Variants in MTFP1 observed in about 807,000 individuals in gnomAD.
The protein encoded by MTFP1 is mitochondrial fission process 1, also known as mitochondrial fission process protein 1.
In MTFP1, 19 loss-of-function variants were observed where a neutral mutation model predicts 17.1. The ratio of observed to expected loss-of-function variants is 1.11; its 90% CI spans 0.77 to 1.63. The LOEUF is 1.63. Ranked by LOEUF, MTFP1 falls within the 40% of genes most tolerant of loss-of-function variation. MTFP1 has a pLI of 0.00. For missense variants in MTFP1, 221 were observed against 226.2 expected (o/e 0.98, Z 0.15); for synonymous variants, 89 against 95.2 (o/e 0.93, Z 0.38).
chr22:30,425,822 C>T lies in MTFP1; in HGVS notation c.-58C>T, dbSNP rs1215386028. On this transcript the variant is annotated 5_prime_UTR_variant, in exon 1 of 4. Transcript: ENST00000266263. Reference sequence around the variant, plus strand: ...GCCGGGCAGACCCAAGTGCCGGCGGCGGAGACTGCAGTGGAGCCAGTACCG... The same window carrying T: ...GCCGGGCAGACCCAAGTGCCGGCGGTGGAGACTGCAGTGGAGCCAGTACCG... 11 of 1,475,426 alleles carry T rather than the reference C, an allele frequency of 7.5e-6. No individual in the cohort carries two copies. The highest frequency in any genetic ancestry group is 2.3e-4 in the Middle Eastern group (1 of 4,270). The allele number at this position is 1,475,426 out of a possible 1,614,324, so 91.4% of individuals were successfully genotyped here. A position where few individuals can be genotyped will look rare whatever the true frequency, so the allele number is the denominator to read the frequency against.
chr22:30,426,643 A>C, intron 1 of MTFP1, 74 bp from the exon 2 acceptor site: 1 of 1,578,876 alleles, frequency 6.3e-7, no homozygotes. Context: ...GCTGGCTAGG[A>C]TGAGAACCAG....
chr22:30,427,435 A>G lies in MTFP1; in HGVS notation c.428+32A>G, dbSNP rs1601796601. The G allele has an allele frequency of 1.9e-6, 3 of 1,585,574 alleles. No individual in the cohort carries two copies. In the South Asian group the frequency reaches 3.3e-5, roughly 18 times the overall value. The stretch of plus-strand genomic sequence containing the variant: ...ACCTTCTTGGCCTCAGGGATCATCC[A>G]CTCTCCAGTGATGAGAGTGGATCAT... On this transcript the variant is annotated intron_variant, in intron 3 of 3. Coordinates refer to ENST00000266263, the MANE Select transcript of MTFP1 (RefSeq NM_016498.5).
intron 1 of MTFP1, among the ~76,000 whole-genome samples, chr22:30,426,496 T>C (rs1044267771): frequency 6.6e-6 from 1 of 151,994 alleles, no homozygotes; most frequent in Non-Finnish European, 1.5e-5. Flanking sequence ...CAATAAGCAA[T>C]GGTAACAGTG....
intron 3 of MTFP1, among the ~76,000 whole-genome samples, chr22:30,428,125 A>C (rs1934703480): frequency 6.6e-6 from 1 of 152,138 alleles, no homozygotes; most frequent in African/African-American, 2.4e-5. Flanking sequence ...TTGGTCTTAG[A>C]ACTAGATATG....
intron 2 of MTFP1, 58 bp downstream of exon 2, chr22:30,426,902 T>C: frequency 1.3e-6 from 2 of 1,596,376 alleles, no homozygotes; most frequent in Non-Finnish European, 1.7e-6. Context: ...TGTGGTTCAG[T>C]CCACAGCCTT....
Position 30,425,818 on chromosome 22 carries a change from G to T in MTFP1, c.-62G>T. ...CCCGGCCGGGCAGACCCAAGTGCCG[G>T]CGGCGGAGACTGCAGTGGAGCCAGT... is the stretch of plus-strand genomic sequence containing the variant. On this transcript the variant is annotated 5_prime_UTR_variant, in exon 1 of 4. Transcript: ENST00000266263. The T allele has an allele frequency of 6.8e-7, 1 of 1,472,602 alleles. No homozygotes were observed. The allele number at this position is 1,472,602 out of a possible 1,614,324, so 91.2% of individuals were successfully genotyped here.
chr22:30,427,130 G>A (rs765418453), intron 2 of MTFP1, 41 bp from the exon 3 acceptor site: 4 of 1,604,682 alleles, frequency 2.5e-6, no homozygotes, highest in Non-Finnish European at 3.4e-6. Context: ...AGGATTTTCT[G>A]CCTCTGCCCC....
At position 30,428,643 on chromosome 22, in the gene MTFP1, C is replaced by G. The variant is rs762856810; in HGVS notation, c.*109C>G. The G allele has an allele frequency of 6.2e-7, 1 of 1,614,052 alleles. No individual in the cohort carries two copies. ...TCCCTGGTGTCCAAAGACCCTGGCA[C>G]CTGGGTGGGTTTGAGCTGGACAGAA... On this transcript the variant is annotated 3_prime_UTR_variant, in exon 4 of 4. Coordinates refer to ENST00000266263, the MANE Select transcript of MTFP1 (RefSeq NM_016498.5).
In MTFP1 at chr22:30,426,750, C is replaced by T. The variant is rs149417550; in HGVS notation, c.101C>T (p.Ser34Phe). The change falls in exon 2 of 4, where the codon TCT (serine) becomes TTT (phenylalanine). Residue 34 changes from serine (S) to phenylalanine (F), a missense_variant. By Grantham distance (155) the Ser-to-Phe change is radical. Coordinates refer to ENST00000266263, the MANE Select transcript of MTFP1 (RefSeq NM_016498.5). The stretch of plus-strand genomic sequence containing the variant: ...AATGAGGTGGGCGAGGCTTTCCGCT[C>T]TCTTGTGCCAGCGGCGGTGGTGTGG... ...YANEVGEAFRSLVPAAVVWLS... is the reference protein window; with the variant it reads ...YANEVGEAFRFLVPAAVVWLS... 1 of 1,614,126 alleles carries T rather than the reference C, an allele frequency of 6.2e-7. No individual in the cohort carries two copies. Among genetic ancestry groups the T allele is most frequent in the Non-Finnish European group, 8.5e-7 (1 of 1,180,018 alleles).
At chr22:30,426,896 G>C in intron 2 of MTFP1, 52 bp downstream of exon 2, 1 of 1,599,336 alleles carries the variant, frequency 6.3e-7, no homozygotes, top group Non-Finnish European at 8.5e-7. Flanking sequence ...TTCTTGTGTG[G>C]TTCAGTCCAC....
rs1934687106 is a variant in MTFP1, at chr22:30,427,190, G to A, written c.215G>A (p.Gly72Asp). 1 of 1,614,004 alleles carries A rather than the reference G, an allele frequency of 6.2e-7. No homozygotes were observed. Among genetic ancestry groups the A allele is most frequent in the Non-Finnish European group, 8.5e-7 (1 of 1,180,016 alleles). ...CACCAGGTGCCCAGCCCTGAAGCAGGCCGCAGCGCCAGGGTGACTGTGGCT... is the reference window on the plus strand; with the variant it reads ...CACCAGGTGCCCAGCCCTGAAGCAGACCGCAGCGCCAGGGTGACTGTGGCT... ...KAGEVPSPEA[G>D]RSARVTVAVV... Residue 72 changes from glycine (G) to aspartate (D), a missense_variant, in exon 3 of 4, where the codon GGC (glycine) becomes GAC (aspartate). Gly to Asp is a moderately conservative substitution (Grantham distance 94, BLOSUM62 -1). Coordinates refer to ENST00000266263, the MANE Select transcript of MTFP1 (RefSeq NM_016498.5).
chr22:30,428,964 A>C lies in MTFP1; in HGVS notation c.*430A>C. The C allele has an allele frequency of 2.3e-6, 1 of 442,300 alleles. No individual in the cohort carries two copies. Among genetic ancestry groups the C allele is most frequent in the Non-Finnish European group, 4.2e-6 (1 of 238,184 alleles). 27.4% of individuals were successfully genotyped at this position (442,300 alleles called of 1,614,324 possible). A position where few individuals can be genotyped will look rare whatever the true frequency, so the allele number is the denominator to read the frequency against. Reference sequence around the variant, plus strand: ...CTGAACAAGGAGCGGCAGACAACTCAGGGAGAAACTCAGGAGTGCAGTACC... The same window carrying C: ...CTGAACAAGGAGCGGCAGACAACTCCGGGAGAAACTCAGGAGTGCAGTACC... On this transcript the variant is annotated 3_prime_UTR_variant, in exon 4 of 4. Transcript: ENST00000266263.
rs140799501 is a variant in MTFP1, at chr22:30,427,301, A to G, written c.326A>G (p.Tyr109Cys). The G allele has an allele frequency of 2.6e-5, 42 of 1,613,928 alleles. No homozygotes were observed. The highest frequency in any genetic ancestry group is 3.3e-5 in the Non-Finnish European group (39 of 1,180,038). The change falls in exon 3 of 4, where the codon TAT (tyrosine) becomes TGT (cysteine). Residue 109 changes from tyrosine (Y) to cysteine (C), a missense_variant. Transcript: ENST00000266263. ...TINRVCAASL[Y>C]VLGTATRWPL... The stretch of plus-strand genomic sequence containing the variant: ...AACCGCGTGTGTGCTGCCTCTCTCT[A>G]TGTCCTGGGCACTGCCACCCGCTGG...
chr22:30,425,810 A>G lies in MTFP1; in HGVS notation c.-70A>G, dbSNP rs2146054914. On this transcript the variant is annotated 5_prime_UTR_variant, in exon 1 of 4. Transcript: ENST00000266263. ...CGGCGGGTCCCGGCCGGGCAGACCC[A>G]AGTGCCGGCGGCGGAGACTGCAGTG... is the stretch of plus-strand genomic sequence containing the variant. The G allele has an allele frequency of 6.9e-7, 1 of 1,448,796 alleles. No homozygotes were observed. The highest frequency in any genetic ancestry group is 9.2e-7 in the Non-Finnish European group (1 of 1,090,284). 89.7% of individuals were successfully genotyped at this position (1,448,796 alleles called of 1,614,324 possible). A position where few individuals can be genotyped will look rare whatever the true frequency, so the allele number is the denominator to read the frequency against.
At chr22:30,426,586 C>A (rs1041994763) in intron 1 of MTFP1, 131 bp from the exon 2 acceptor site, 4 of 1,236,834 alleles carry the variant, frequency 3.2e-6, no homozygotes, top group African/African-American at 1.5e-5. Context: ...GAAAGGGAGG[C>A]TCAGAGAGGT....
At chr22:30,426,935 G>A in intron 2 of MTFP1, 91 bp downstream of exon 2, 1 of 1,577,994 alleles carries the variant, frequency 6.3e-7, no homozygotes, top group East Asian at 2.2e-5. Flanking sequence ...GTCCCTGTGG[G>A]ACACTCCAGT....
At position 30,427,418 on chromosome 22, in the gene MTFP1, G is replaced by C; in HGVS notation, c.428+15G>C. On this transcript the variant is annotated intron_variant, in intron 3 of 3. Coordinates refer to ENST00000266263, the MANE Select transcript of MTFP1 (RefSeq NM_016498.5). ...CCCATTGACAGGTGGGTACCTTCTT[G>C]GCCTCAGGGATCATCCACTCTCCAG... The C allele has an allele frequency of 6.2e-7, 1 of 1,608,102 alleles. No individual in the cohort carries two copies. The highest frequency in any genetic ancestry group is 8.5e-7 in the Non-Finnish European group (1 of 1,174,852).
intron 2 of MTFP1, 125 bp from the exon 3 acceptor site, chr22:30,427,044 CTG>C: frequency 7.4e-7 from 1 of 1,347,110 alleles, no homozygotes; most frequent in Non-Finnish European, 1.1e-6. Flanking sequence ...ATGTGGCAGA[CTG>C]TACCCCACTC....
intron 3 of MTFP1, 67 bp from the exon 4 acceptor site, chr22:30,428,395 C>T: frequency 7.1e-7 from 1 of 1,410,734 alleles, no homozygotes; most frequent in South Asian, 1.2e-5. Context: ...CTAACCCTGG[C>T]CTTCTGCCTT....
Sources: gnomAD v4.1 joint callset for allele counts (sites outside exome capture counted in the v4.1 genomes callset) on GRCh38, gnomAD v4.1.1 for gene constraint, MANE v1.5 for transcripts, NCBI Gene and HGNC (gene_info 2026-07-23, HGNC 2026-07-21) for gene names.